PGLYRP2: variants seen among roughly 807,000 people sequenced by gnomAD.
PGLYRP2 encodes peptidoglycan recognition protein 2.
A neutral mutation model predicts 46.2 loss-of-function variants in PGLYRP2; 38 were observed. That is an observed-to-expected ratio of 0.82 (90% CI 0.64 to 1.08). The LOEUF is 1.08. Ranked by LOEUF, PGLYRP2 falls within the 50% of genes least tolerant of loss-of-function variation. PGLYRP2 has a pLI of 0.00. For missense variants in PGLYRP2, 713 were observed against 755.9 expected (o/e 0.94, Z 0.67); for synonymous variants, 289 against 329.4 (o/e 0.88, Z 1.33).
At chr19:15,479,237 G>T in intron 1 of PGLYRP2, 74 bp downstream of exon 1, 1 of 1,501,024 alleles carries the variant, frequency 6.7e-7, no homozygotes, top group Non-Finnish European at 9.3e-7. Flanking sequence ...TGCAGGGCAA[G>T]ACATAGATGG....
chr19:15,475,909 G>C lies in PGLYRP2; in HGVS notation c.761C>G (p.Ala254Gly). 1 of 1,614,138 alleles carries C rather than the reference G, an allele frequency of 6.2e-7. No individual in the cohort carries two copies. Among genetic ancestry groups the C allele is most frequent in the East Asian group, 2.2e-5 (1 of 44,878 alleles). The change falls in exon 2 of 5, where the codon GCC (alanine) becomes GGC (glycine). Residue 254 changes from alanine to glycine, a missense_variant. Transcript: ENST00000340880. ...GTCCAAAAGCGTAAAGGTCCGAGGG[G>C]CAGAGAGCTGGTCCCAGCAGCCCTC... ...GTEGCWDQLS[A>G]PRTFTLLDPK...
chr19:15,472,751 A>G (rs4638719), intron 2 of PGLYRP2, among the ~76,000 whole-genome samples: 57,383 of 151,972 alleles, frequency 0.38, 10,957 homozygotes, highest in African/African-American at 0.4. Flanking sequence ...AAGAGAAATC[A>G]GATTTCCCAA....
Position 15,479,344 on chromosome 19 carries a change from G to A in PGLYRP2, c.28C>T (p.Leu10Phe), listed in dbSNP as rs756232048. 2 of 1,614,124 alleles carry A rather than the reference G, an allele frequency of 1.2e-6. No individual in the cohort carries two copies. Among genetic ancestry groups the A allele is most frequent in the South Asian group, 1.1e-5 (1 of 91,084 alleles). The change falls in exon 1 of 5, where the codon CTC becomes TTC. Residue 10 changes from leucine (L) to phenylalanine (F), a missense_variant. Physicochemically the swap from Leu to Phe is conservative, Grantham distance 22 (BLOSUM62 0). Coordinates refer to ENST00000340880, the MANE Select transcript of PGLYRP2 (RefSeq NM_052890.4). MAQGVLWIL[L>F]GLLLWSDPGT... ...GGGTCTGACCACAGTAGCAATCCGA[G>A]TAGGATCCAGAGGACACCCTGGGCC...
intron 1 of PGLYRP2, among the ~76,000 whole-genome samples, chr19:15,478,680 G>A (rs1003503110): frequency 5.3e-5 from 8 of 150,698 alleles, no homozygotes; most frequent in Non-Finnish European, 1.0e-4. Context: ...ATCCAGGCTG[G>A]AGTGCAGTAG....
chr19:15,470,532 C>T (rs1472883465), intron 3 of PGLYRP2, among the ~76,000 whole-genome samples: 3 of 151,740 alleles, frequency 2.0e-5, no homozygotes, highest in African/African-American at 7.3e-5. Context: ...GTCTCGAACT[C>T]CTGACCTCAG....
intron 2 of PGLYRP2, among the ~76,000 whole-genome samples, chr19:15,473,439 C>T (rs1970767139): frequency 1.7e-5 from 2 of 119,384 alleles, no homozygotes; most frequent in Non-Finnish European, 3.2e-5. Context: ...CTTTGCACTC[C>T]AGCCTGGGCA....
At chr19:15,470,239 T>C (rs61456025) in intron 3 of PGLYRP2, among the ~76,000 whole-genome samples, 1,590 of 129,864 alleles carry the variant, frequency 0.012, 17 homozygotes, top group African/African-American at 0.026. Context: ...GGGTTTTTTT[T>C]CTTTCCTTCC....
chr19:15,473,644 A>G (rs1223314460), intron 2 of PGLYRP2, among the ~76,000 whole-genome samples: 1 of 151,902 alleles, frequency 6.6e-6, no homozygotes, highest in Admixed American at 6.6e-5. Context: ...CACAGAGCAA[A>G]AGAAACAAAG....
rs770017233 is a variant in PGLYRP2 at position 15,468,722 on chromosome 19, A to G, written c.1672T>C (p.Ser558Pro). 6.2e-7 allele frequency: 1 copy of G among 1,612,656 alleles called. No homozygotes were observed. The highest frequency in any genetic ancestry group is 8.5e-7 in the Non-Finnish European group (1 of 1,179,352). The change falls in exon 5 of 5, where the codon TCT becomes CCT. Residue 558 changes from serine to proline, a missense_variant. Transcript: ENST00000340880. ...GGTGGCTCCCTCCTGGATCTCTTAG[A>G]GACACTCCTGGCAGGTCTTGGCTTA... ...TVKPRPARSV[S>P]KRSRREPPPR... is the part of the protein sequence containing the mutation.
Position 15,479,355 on chromosome 19 carries a change from A to C in PGLYRP2, c.17T>G (p.Leu6Arg). Residue 6 changes from leucine to arginine, a missense_variant, in exon 1 of 5, where the codon CTC becomes CGC. Physicochemically the swap from Leu to Arg is moderately radical, Grantham distance 102. Transcript: ENST00000340880. MAQGV[L>R]WILLGLLLWS... ...CAGTAGCAATCCGAGTAGGATCCAG[A>C]GGACACCCTGGGCCATTGTTGCAGG... The C allele has an allele frequency of 1.9e-6, 3 of 1,614,076 alleles. No homozygotes were observed. The highest frequency in any genetic ancestry group is 2.2e-5 in the South Asian group (2 of 91,080).
chr19:15,471,420 A>AT (rs1970747798), intron 3 of PGLYRP2, among the ~76,000 whole-genome samples: 1 of 128,642 alleles, frequency 7.8e-6, no homozygotes, highest in African/African-American at 2.9e-5. Flanking sequence ...GGCCTTTTTA[A>AT]GTTTTTTTTG....
chr19:15,470,948 T>C (rs1024295918), intron 3 of PGLYRP2, among the ~76,000 whole-genome samples: 1 of 151,776 alleles, frequency 6.6e-6, no homozygotes, highest in African/African-American at 2.4e-5. Context: ...CCGGCCTCCT[T>C]CTTCTTTTCG....
intron 3 of PGLYRP2, 65 bp downstream of exon 3, chr19:15,471,825 T>C: frequency 6.5e-7 from 1 of 1,538,482 alleles, no homozygotes; most frequent in South Asian, 1.2e-5. Flanking sequence ...TGCATCAGGC[T>C]CCGCCCACTC....
Position 15,475,884 on chromosome 19 carries a change from G to A in PGLYRP2, c.786C>T (p.Asp262=). 1.2e-6 allele frequency: 2 copies of A among 1,614,134 alleles called. No homozygotes were observed. Among genetic ancestry groups the A allele is most frequent in the Non-Finnish European group, 1.7e-6 (2 of 1,180,028 alleles). Residue 262 remains aspartate, a synonymous_variant, in exon 2 of 5, where the codon GAC becomes GAT. Coordinates refer to ENST00000340880, the MANE Select transcript of PGLYRP2 (RefSeq NM_052890.4). ...LSAPRTFTLL[D]PKASLLTMAF... is the part of the protein sequence containing the mutation. ...CCATGGTTAACAGAGATGCCTTGGG[G>A]TCCAAAAGCGTAAAGGTCCGAGGGG...
intron 2 of PGLYRP2, among the ~76,000 whole-genome samples, chr19:15,474,098 G>A (rs990099989): frequency 1.3e-5 from 2 of 152,178 alleles, no homozygotes; most frequent in Non-Finnish European, 2.9e-5. Context: ...CACTTTGGGA[G>A]GCTGAGGTGG....
At position 15,469,958 on chromosome 19, in the gene PGLYRP2, A is replaced by G; in HGVS notation, c.1344-29T>C. 2 of 1,391,872 alleles carry G rather than the reference A, an allele frequency of 1.4e-6. No homozygotes were observed. The highest frequency in any genetic ancestry group is 1.9e-6 in the Non-Finnish European group (2 of 1,076,278). The allele number at this position is 1,391,872 out of a possible 1,614,324, so 86.2% of individuals were successfully genotyped here. ...CAGAGGGGAGGGAGAAGCAAGCACCATGCGGCGTGAGGGGGACCCGGGCCC... is the reference window on the plus strand; with the variant it reads ...CAGAGGGGAGGGAGAAGCAAGCACCGTGCGGCGTGAGGGGGACCCGGGCCC... On this transcript the variant is annotated intron_variant, in intron 3 of 4. Coordinates refer to ENST00000340880, the MANE Select transcript of PGLYRP2 (RefSeq NM_052890.4). The surrounding 1 kb of genome is among the most constrained non-coding windows in gnomAD (Gnocchi z 4.9).
intron 1 of PGLYRP2, among the ~76,000 whole-genome samples, chr19:15,478,630 G>GTTTTTT (rs1165681147): frequency 7.8e-6 from 1 of 128,210 alleles, no homozygotes. Flanking sequence ...ATTTGCCTTT[G>GTTTTTT]TTTTTTTTTT....
chr19:15,470,975 T>C (rs1970743096), intron 3 of PGLYRP2, among the ~76,000 whole-genome samples: 1 of 152,032 alleles, frequency 6.6e-6, no homozygotes, highest in South Asian at 2.1e-4. Context: ...GTTCTCGCTC[T>C]GTCACTCAGG....
intron 4 of PGLYRP2, 191 bp from the exon 5 acceptor site, chr19:15,468,943 G>C: frequency 1.8e-6 from 1 of 541,080 alleles, no homozygotes; most frequent in East Asian, 3.1e-5. Context: ...GCAGTATGTA[G>C]GTAGCACGAG....
Sources: allele counts gnomAD v4.1 joint callset (sites outside exome capture counted in the v4.1 genomes callset), GRCh38; gene constraint gnomAD v4.1.1; non-coding constraint Gnocchi (gnomAD v3.1); transcripts MANE v1.5; gene names NCBI Gene and HGNC (gene_info 2026-07-23, HGNC 2026-07-21).